Variants in UPF3A observed in about 807,000 individuals in gnomAD.
UPF3A encodes the protein regulator of nonsense transcripts 3A.
In UPF3A, 42 loss-of-function variants were observed where a neutral mutation model predicts 53.5. The observed-to-expected ratio is 0.78, with a 90% CI of 0.61 to 1.01. The LOEUF is 1.01. Among genes scored for constraint, UPF3A ranks in the 50% least tolerant of loss-of-function variants. The pLI is 0.00. For missense variants in UPF3A, 575 were observed against 598.0 expected (o/e 0.96, Z 0.40); for synonymous variants, 237 against 225.3 (o/e 1.05, Z -0.47).
Position 114,286,644 on chromosome 13 carries a change from T to G in UPF3A, c.631+15T>G, listed in dbSNP as rs779065286. 4 of 1,571,740 alleles carry G rather than the reference T, an allele frequency of 2.5e-6. No homozygotes were observed. The Admixed American group carries it at 7.5e-5, about 29-fold the overall frequency. On this transcript the variant is annotated intron_variant, in intron 5 of 9. Coordinates refer to ENST00000375299, the MANE Select transcript of UPF3A (RefSeq NM_023011.4). ...AGAGCTCATTGGTCTGTTTTGCTCA[T>G]TTCTTCTCTTTTCTTTATTGAGAGA...
At chr13:114,283,085 G>A (rs946968256) in intron 3 of UPF3A, 142 bp downstream of exon 3, 8 of 619,052 alleles carry the variant, frequency 1.3e-5, no homozygotes, top group Non-Finnish European at 2.1e-5. Flanking sequence ...TGCAGCAGCC[G>A]CAATCACGGC....
intron 7 of UPF3A, among the ~76,000 whole-genome samples, chr13:114,292,253 T>C (rs2085363432): frequency 6.7e-6 from 1 of 149,806 alleles, no homozygotes; most frequent in Non-Finnish European, 1.5e-5. Context: ...GTGTCACATG[T>C]TCATTTTCAG....
At chr13:114,281,884 G>A (rs1431413534) in intron 1 of UPF3A, 38 bp downstream of exon 1, 4 of 1,419,244 alleles carry the variant, frequency 2.8e-6, no homozygotes, top group South Asian at 2.8e-5. Context: ...CTCGCGAGGA[G>A]AGGACGGCCC....
At chr13:114,299,671 C>G (rs995363597) in intron 8 of UPF3A, among the ~76,000 whole-genome samples, 6 of 152,204 alleles carry the variant, frequency 3.9e-5, no homozygotes, top group Admixed American at 6.5e-5. Context: ...GCCAGAGAGA[C>G]CAGCCAGATG....
chr13:114,302,453 AC>A (rs2086683145), intron 9 of UPF3A, among the ~76,000 whole-genome samples: 1 of 151,864 alleles, frequency 6.6e-6, no homozygotes, highest in African/African-American at 2.4e-5. Context: ...GACTGTGGTT[AC>A]CCCCTTAGCC....
chr13:114,305,742 C>T lies in UPF3A; in HGVS notation c.*825C>T, dbSNP rs1408263315. The stretch of plus-strand genomic sequence containing the variant: ...TAGTTTCTTCCTTTCAGTGAAATTG[C>T]TAAATGTCAATGTATTTTTGGCACT... On this transcript the variant is annotated 3_prime_UTR_variant, in exon 10 of 10. Coordinates refer to ENST00000375299, the MANE Select transcript of UPF3A (RefSeq NM_023011.4). 1 of 152,080 alleles carries T rather than the reference C, an allele frequency of 6.6e-6. No homozygotes were observed. Among genetic ancestry groups the T allele is most frequent in the East Asian group, 1.9e-4 (1 of 5,192 alleles). 9.4% of individuals were successfully genotyped at this position (152,080 alleles called of 1,614,324 possible).
At chr13:114,284,342 A>G (rs979091036) in intron 3 of UPF3A, among the ~76,000 whole-genome samples, 2 of 151,276 alleles carry the variant, frequency 1.3e-5, no homozygotes, top group African/African-American at 4.9e-5. Context: ...AGCCGGGGCG[A>G]CGGAGCAAAA....
intron 5 of UPF3A, 79 bp downstream of exon 5, chr13:114,286,708 G>T: frequency 8.5e-7 from 1 of 1,183,236 alleles, no homozygotes; most frequent in South Asian, 1.6e-5. Context: ...TCTTTTTCTT[G>T]ACTGTGATAA....
chr13:114,282,557 A>T, intron 2 of UPF3A: 1 of 985,438 alleles, frequency 1.0e-6, no homozygotes, highest in Non-Finnish European at 1.2e-6. Flanking sequence ...TCTCGGCGCC[A>T]CGGGTTCCTC....
chr13:114,292,449 C>T (rs779986640), intron 7 of UPF3A, among the ~76,000 whole-genome samples: 8 of 144,500 alleles, frequency 5.5e-5, no homozygotes, highest in South Asian at 2.2e-4. Flanking sequence ...AAGGCGTACA[C>T]GTGCAGGTGT....
intron 5 of UPF3A, among the ~76,000 whole-genome samples, chr13:114,290,701 A>T (rs1248336369): frequency 6.7e-6 from 1 of 149,786 alleles, no homozygotes; most frequent in East Asian, 1.9e-4. Flanking sequence ...GCAGCGCCAT[A>T]TGGAGTCATT....
chr13:114,299,883 G>A (rs1215973819), intron 8 of UPF3A, among the ~76,000 whole-genome samples: 1 of 152,284 alleles, frequency 6.6e-6, no homozygotes, highest in Non-Finnish European at 1.5e-5. Flanking sequence ...CGATTAGGCT[G>A]CCGGCTTCCC....
At chr13:114,296,854 T>A (rs953996493) in intron 7 of UPF3A, among the ~76,000 whole-genome samples, 3 of 152,190 alleles carry the variant, frequency 2.0e-5, no homozygotes, top group Admixed American at 6.5e-5. Flanking sequence ...GAACAGTTCC[T>A]AGGCACACAG....
chr13:114,302,011 C>A lies in UPF3A; in HGVS notation c.1288C>A (p.Arg430=). ...CDDSPAPRKE[R]LANKDRPALQ... is the part of the protein sequence containing the mutation. ...CGACAGTCCAGCACCCAGAAAAGAGCGACTGGCAAACAAGGTTTTTATTAA... is the reference window on the plus strand; with the variant it reads ...CGACAGTCCAGCACCCAGAAAAGAGAGACTGGCAAACAAGGTTTTTATTAA... The change falls in exon 9 of 10, where the codon CGA becomes AGA. Residue 430 remains arginine (R), a synonymous_variant. Transcript: ENST00000375299. The A allele has an allele frequency of 6.6e-7, 1 of 1,518,222 alleles. No homozygotes were observed. The highest frequency in any genetic ancestry group is 1.3e-5 in the South Asian group (1 of 76,456). 94.0% of individuals were successfully genotyped at this position (1,518,222 alleles called of 1,614,324 possible).
Position 114,289,652 on chromosome 13 carries a change from C to T in UPF3A, c.632-1837C>T, listed in dbSNP as rs571150064. On this transcript the variant is annotated intron_variant, in intron 5 of 9. Transcript: ENST00000375299. Reference sequence around the variant, plus strand: ...AGTGTTAAATGGAAATACTAATAAGCTGTTTCTGGCAAGGACTCTGGAGTT... The same window carrying T: ...AGTGTTAAATGGAAATACTAATAAGTTGTTTCTGGCAAGGACTCTGGAGTT... Among the ~76,000 whole-genome samples, 94 of 152,190 alleles carry T rather than the reference C, an allele frequency of 6.2e-4. No homozygotes were observed. In the South Asian group the frequency reaches 6.8e-3, roughly 11 times the overall value.
chr13:114,281,820 G>A lies in UPF3A; in HGVS notation c.181G>A (p.Glu61Lys). 1.3e-6 allele frequency: 2 copies of A among 1,545,150 alleles called. No individual in the cohort carries two copies. The highest frequency in any genetic ancestry group is 1.2e-5 in the South Asian group (1 of 83,796). Residue 61 changes from glutamate (E) to lysine (K), a missense_variant, in exon 1 of 10, where the codon GAG (glutamate) becomes AAG (lysine). This residue lies in a region of UPF3A where 252 missense variants were observed against 182.7 expected (regional missense o/e 1.38). Transcript: ENST00000375299. ...CGGGGGCGGTGCGGGCAAACCTCGC[G>A]AGGAGAAGAGGACGGCCCTGAGCAA... Reference protein sequence around the residue: ...GCGGGAGKPREEKRTALSKVV... With the variant: ...GCGGGAGKPRKEKRTALSKVV...
chr13:114,292,213 A>G (rs1253134469), intron 7 of UPF3A, among the ~76,000 whole-genome samples: 2 of 145,176 alleles, frequency 1.4e-5, no homozygotes, highest in African/African-American at 5.2e-5. Flanking sequence ...TTACGTGTTC[A>G]TTTTCGACTC....
At chr13:114,285,933 A>C (rs1169148427) in intron 3 of UPF3A, 1 of 198,256 alleles carries the variant, frequency 5.0e-6, no homozygotes, top group Non-Finnish European at 1.0e-5. Flanking sequence ...AGGTATATTG[A>C]GGTGTAAGTT....
At chr13:114,294,281 G>A (rs886514547) in intron 7 of UPF3A, among the ~76,000 whole-genome samples, 4 of 151,120 alleles carry the variant, frequency 2.6e-5, no homozygotes, top group East Asian at 3.9e-4. Context: ...GGTGGGGGGG[G>A]GGTTTGAGAC....
Sources: gnomAD v4.1 joint callset for allele counts (sites outside exome capture counted in the v4.1 genomes callset) on GRCh38, gnomAD v4.1.1 for gene constraint, gnomAD v4.1.1 regional missense constraint, MANE v1.5 for transcripts, NCBI Gene and HGNC (gene_info 2026-07-23, HGNC 2026-07-21) for gene names.